The following NTM variants were observed in gnomAD, a reference collection of about 807,000 sequenced individuals.
NTM encodes IgLON family member 2.
A neutral mutation model predicts 42.1 loss-of-function variants in NTM; 13 were observed. The ratio of observed to expected loss-of-function variants is 0.31; its 90% confidence interval spans 0.20 to 0.49. The LOEUF is 0.49. Ranked by LOEUF, NTM falls within the 20% of genes least tolerant of loss-of-function variation. The probability of loss-of-function intolerance (pLI) is 0.99; values close to 1 mark genes in which losing one functional copy is unlikely to be tolerated. For synonymous variants in NTM, 187 were observed against 179.2 expected (o/e 1.04, Z -0.35); for missense variants, 373 against 452.8 (o/e 0.82, Z 1.60).
At chr11:131,373,296 A>G (rs1395657313) in intron 1 of NTM, among the ~76,000 whole-genome samples, 1 of 152,184 alleles carries the variant, frequency 6.6e-6, no homozygotes, top group East Asian at 1.9e-4. Flanking sequence ...AGAATGCAGC[A>G]CACATTCCAA....
At chr11:131,982,681 T>C (rs2134942664) in intron 2 of NTM, among the ~76,000 whole-genome samples, 1 of 152,310 alleles carries the variant, frequency 6.6e-6, no homozygotes, top group South Asian at 2.1e-4. Context: ...CAGACAACTT[T>C]AAAAAGCAGT....
intron 1 of NTM, among the ~76,000 whole-genome samples, chr11:131,858,223 G>T (rs1469330535): frequency 6.6e-6 from 1 of 151,696 alleles, no homozygotes; most frequent in South Asian, 2.1e-4. Flanking sequence ...CTTTTCATTG[G>T]CTCTGCTTCT....
chr11:131,859,860 T>C (rs993372239), intron 1 of NTM, among the ~76,000 whole-genome samples: 8 of 130,108 alleles, frequency 6.1e-5, no homozygotes, highest in African/African-American at 1.9e-4. Flanking sequence ...GTGCCTCCCC[T>C]TTTTTTTTTC....
At chr11:131,436,224 T>C (rs1949118835) in intron 1 of NTM, among the ~76,000 whole-genome samples, 1 of 152,222 alleles carries the variant, frequency 6.6e-6, no homozygotes, top group Non-Finnish European at 1.5e-5. Context: ...TTGATGTTCA[T>C]CAGGGATATT....
intron 4 of NTM, among the ~76,000 whole-genome samples, chr11:132,278,743 TTCTCTCTCTCTCTCTCTC>T (rs66748602): frequency 0.34 from 46,780 of 138,090 alleles, 7,771 homozygotes; most frequent in Middle Eastern, 0.53. Context: ...TCATTTGGGC[TTCTCTCTCTCTCTCTCTC>T]TCTCTCTCTC....
Position 131,927,775 on chromosome 11 carries a change from C to T in NTM, c.167+16127C>T, listed in dbSNP as rs188719083. Among the ~76,000 whole-genome samples the T allele has an allele frequency of 3.5e-3, 528 of 152,284 alleles. 2 individuals carry two copies. Among genetic ancestry groups the T allele is most frequent in the Admixed American group, 6.1e-3 (94 of 15,288 alleles). On this transcript the variant is annotated intron_variant, in intron 2 of 8. Coordinates refer to ENST00000683400, the MANE Select transcript of NTM (RefSeq NM_001352005.2). The stretch of plus-strand genomic sequence containing the variant: ...TACAGAGACATAAAATCACAGAGCC[C>T]TGTGGTAGCATCAGAGATGGGGTCA...
At chr11:132,307,526 TAGA>T in intron 4 of NTM, 160 bp from the exon 5 acceptor site, 4 of 430,130 alleles carry the variant, frequency 9.3e-6, no homozygotes, top group Non-Finnish European at 1.2e-5. Flanking sequence ...TGCGGAGGTG[TAGA>T]AGAGACGGAG....
At chr11:131,448,783 A>G (rs1950258944) in intron 1 of NTM, among the ~76,000 whole-genome samples, 1 of 152,218 alleles carries the variant, frequency 6.6e-6, no homozygotes, top group Admixed American at 6.5e-5. Context: ...CCCAACCAAC[A>G]GGCCAGTGAT....
chr11:131,449,047 A>G (rs1950279215), intron 1 of NTM, among the ~76,000 whole-genome samples: 1 of 152,132 alleles, frequency 6.6e-6, no homozygotes. Context: ...GAAGAAGAAG[A>G]ATTTGGAAAA....
chr11:131,722,577 G>A (rs942141029), intron 1 of NTM, among the ~76,000 whole-genome samples: 27 of 152,216 alleles, frequency 1.8e-4, no homozygotes, highest in Admixed American at 1.2e-3. Flanking sequence ...GAGTAAGTAC[G>A]CTGTTAGGGC....
chr11:131,463,909 G>T (rs894638913), intron 1 of NTM, among the ~76,000 whole-genome samples: 4 of 152,258 alleles, frequency 2.6e-5, no homozygotes, highest in African/African-American at 9.6e-5. Flanking sequence ...GGCTCCCAGA[G>T]ATTGGTTTAT....
At chr11:132,322,465 A>G (rs2136298368) in intron 7 of NTM, among the ~76,000 whole-genome samples, 1 of 136,216 alleles carries the variant, frequency 7.3e-6, no homozygotes. Context: ...GATCAATTCA[A>G]CAAGAAGAGC....
intron 1 of NTM, among the ~76,000 whole-genome samples, chr11:131,679,871 G>A (rs776976679): frequency 5.9e-5 from 9 of 152,076 alleles, no homozygotes; most frequent in East Asian, 1.9e-4. Context: ...GGAGAATTTT[G>A]AGGCATGGGC....
chr11:132,235,262 A>G (rs570386186), intron 4 of NTM, among the ~76,000 whole-genome samples: 41 of 152,292 alleles, frequency 2.7e-4, no homozygotes, highest in Admixed American at 1.2e-3. Context: ...GGAGCCTCCA[A>G]TGATGCATCA....
intron 1 of NTM, among the ~76,000 whole-genome samples, chr11:131,518,739 T>G (rs188291897): frequency 7.9e-4 from 120 of 152,318 alleles, no homozygotes; most frequent in African/African-American, 2.9e-3. Context: ...GCTTTCTCTA[T>G]TTTTGTATGT....
chr11:131,820,707 T>C (rs1387574548), intron 1 of NTM, among the ~76,000 whole-genome samples: 1 of 152,214 alleles, frequency 6.6e-6, no homozygotes, highest in East Asian at 1.9e-4. Context: ...GGATTGGCAC[T>C]TTTTTAAACT....
At chr11:131,911,060 G>C (rs2137945288) in intron 1 of NTM, 2 of 1,093,444 alleles carry the variant, frequency 1.8e-6, no homozygotes, top group South Asian at 5.8e-5. Flanking sequence ...ACCGCCTCTG[G>C]GTAGCTGGAT....
intron 2 of NTM, among the ~76,000 whole-genome samples, chr11:132,057,277 T>A (rs199856538): frequency 1.4e-5 from 1 of 72,036 alleles, no homozygotes; most frequent in South Asian, 7.2e-4. Flanking sequence ...GTATTTTGGA[T>A]TTTTTTTTTT....
chr11:131,851,450 G>T (rs933212609), intron 1 of NTM, among the ~76,000 whole-genome samples: 6 of 151,742 alleles, frequency 4.0e-5, no homozygotes, highest in African/African-American at 1.2e-4. Context: ...ATTCACCATG[G>T]ATTTTTATCC....
Sources: allele counts gnomAD v4.1 joint callset (sites outside exome capture counted in the v4.1 genomes callset), GRCh38; gene constraint gnomAD v4.1.1; transcripts MANE v1.5; gene names NCBI Gene and HGNC (gene_info 2026-07-23, HGNC 2026-07-21).